COPG2: variants seen among roughly 807,000 people sequenced by gnomAD.
The protein encoded by COPG2 is coatomer subunit gamma-2.
In COPG2, 37 loss-of-function variants were observed where a neutral mutation model predicts 46.3. That is an observed-to-expected ratio of 0.80 (90% confidence interval 0.61 to 1.05). COPG2 has a LOEUF of 1.05. Among genes scored for constraint, COPG2 ranks in the 50% least tolerant of loss-of-function variants. COPG2 has a pLI of 0.00. For synonymous variants in COPG2, 159 were observed against 129.7 expected (o/e 1.23, Z -1.53); for missense variants, 427 against 387.8 (o/e 1.10, Z -0.85).
intron 5 of COPG2, among the ~76,000 whole-genome samples, chr7:130,620,220 A>G (rs371462607): frequency 1.3e-5 from 2 of 152,194 alleles, no homozygotes; most frequent in East Asian, 1.9e-4. Flanking sequence ...CAGCATTTCA[A>G]TGAGTGTCTG....
chr7:130,531,085 G>A (rs1799820360), intron 20 of COPG2, among the ~76,000 whole-genome samples: 1 of 86,472 alleles, frequency 1.2e-5, no homozygotes, highest in Admixed American at 1.3e-4. Flanking sequence ...TCGGGGTGGG[G>A]TTTGGGTCTG....
chr7:130,550,656 A>T lies in COPG2; in HGVS notation c.1649-7T>A. 2 of 397,116 alleles carry T rather than the reference A, an allele frequency of 5.0e-6. No individual in the cohort carries two copies. Among genetic ancestry groups the T allele is most frequent in the East Asian group, 7.2e-5 (2 of 27,972 alleles). 24.6% of individuals were successfully genotyped at this position (397,116 alleles called of 1,614,324 possible). On this transcript the variant is annotated splice_region_variant and splice_polypyrimidine_tract_variant and intron_variant, in intron 16 of 23. Transcript: ENST00000425248. Reference sequence around the variant, plus strand: ...GGTACAGAGACCGTCAAACCTGTGAAACATAGAGAAATCTCAGCATTATAA... The same window carrying T: ...GGTACAGAGACCGTCAAACCTGTGATACATAGAGAAATCTCAGCATTATAA...
intron 20 of COPG2, among the ~76,000 whole-genome samples, chr7:130,529,491 T>A (rs987739322): frequency 6.6e-6 from 1 of 152,064 alleles, no homozygotes; most frequent in Admixed American, 6.5e-5. Flanking sequence ...GGTCTCAACA[T>A]TGGTAAAGGG....
chr7:130,609,840 T>G (rs1794808114), intron 9 of COPG2, among the ~76,000 whole-genome samples: 1 of 152,202 alleles, frequency 6.6e-6, no homozygotes, highest in Non-Finnish European at 1.5e-5. Flanking sequence ...GGTTCAAGAT[T>G]TTTTTTCTAG....
intron 9 of COPG2, among the ~76,000 whole-genome samples, chr7:130,574,092 ACAAGTGCCCATCAACTAATGAAAAAAC>A (rs1198547755): frequency 8.5e-5 from 13 of 152,196 alleles, no homozygotes; most frequent in Non-Finnish European, 1.9e-4. Flanking sequence ...GGAAAGAAAA[ACAAGTGCCCATCAACTAATGAAAAAAC>A]CAAGTGCCCA....
intron 9 of COPG2, among the ~76,000 whole-genome samples, chr7:130,567,351 A>T (rs1309619331): frequency 2.0e-5 from 3 of 152,204 alleles, no homozygotes; most frequent in African/African-American, 7.2e-5. Flanking sequence ...GGTGTTCCCA[A>T]GGAAGAAGAT....
chr7:130,574,505 C>T (rs1273963729), intron 9 of COPG2, among the ~76,000 whole-genome samples: 2 of 152,156 alleles, frequency 1.3e-5, no homozygotes, highest in Non-Finnish European at 2.9e-5. Context: ...GAGAGTACTA[C>T]ATCCAAGCAA....
chr7:130,636,957 G>A (rs1327681499), intron 5 of COPG2, among the ~76,000 whole-genome samples: 1 of 152,074 alleles, frequency 6.6e-6, no homozygotes, highest in Non-Finnish European at 1.5e-5. Flanking sequence ...CTCTGTAAAG[G>A]ATTTTATTTC....
chr7:130,649,598 C>G (rs1795695731), intron 5 of COPG2, among the ~76,000 whole-genome samples: 1 of 152,170 alleles, frequency 6.6e-6, no homozygotes, highest in Non-Finnish European at 1.5e-5. Context: ...TTCCTCTGAG[C>G]CAGCACCTTT....
intron 5 of COPG2, among the ~76,000 whole-genome samples, chr7:130,623,964 A>G (rs1795078407): frequency 6.6e-6 from 1 of 151,204 alleles, no homozygotes; most frequent in Non-Finnish European, 1.5e-5. Flanking sequence ...GGTTTCTTAT[A>G]AACAATAAAC....
At chr7:130,551,139 C>G (rs1793530291) in intron 16 of COPG2, 102 bp downstream of exon 16, 1 of 394,368 alleles carries the variant, frequency 2.5e-6, no homozygotes, top group Non-Finnish European at 4.5e-6. Flanking sequence ...AAGACAAAAA[C>G]CAAGCATTTG....
chr7:130,582,608 G>T (rs1794175632), intron 9 of COPG2, among the ~76,000 whole-genome samples: 2 of 149,168 alleles, frequency 1.3e-5, no homozygotes, highest in South Asian at 2.1e-4. Flanking sequence ...TCTGACAAAG[G>T]GCTAATATCC....
chr7:130,657,325 T>A (rs1369544241), intron 4 of COPG2, among the ~76,000 whole-genome samples: 4 of 151,920 alleles, frequency 2.6e-5, no homozygotes, highest in Non-Finnish European at 5.9e-5. Context: ...AGGCAGTGGA[T>A]GGAGGAAGAG....
At chr7:130,540,119 G>A (rs1799922168) in intron 20 of COPG2, among the ~76,000 whole-genome samples, 1 of 152,060 alleles carries the variant, frequency 6.6e-6, no homozygotes, top group Non-Finnish European at 1.5e-5. Context: ...GGGAGCAGTG[G>A]GGTGTGAGTG....
intron 9 of COPG2, among the ~76,000 whole-genome samples, chr7:130,604,087 T>C (rs1794686055): frequency 6.6e-6 from 1 of 152,012 alleles, no homozygotes; most frequent in Non-Finnish European, 1.5e-5. Flanking sequence ...TTACATTGAG[T>C]AGGCTGGGGT....
At position 130,657,163 on chromosome 7, in the gene COPG2, A is replaced by G. The variant is rs1391480545; in HGVS notation, c.244-4215T>C. Among the ~76,000 whole-genome samples, 4 of 152,206 alleles carry G rather than the reference A, an allele frequency of 2.6e-5. No individual in the cohort carries two copies. The East Asian group carries it at 7.7e-4, about 29-fold the overall frequency. ...ATAGAGCTAAAGTAAGAACAGACAT[A>G]TAGGTCAATGAGACAAAATAATGTG... On this transcript the variant is annotated intron_variant, in intron 4 of 23. Transcript: ENST00000425248.
chr7:130,524,788 A>T (rs1265568227), intron 20 of COPG2, among the ~76,000 whole-genome samples: 1 of 152,174 alleles, frequency 6.6e-6, no homozygotes, highest in Non-Finnish European at 1.5e-5. Flanking sequence ...TTGGAAACAC[A>T]GGGGACCACG....
intron 9 of COPG2, chr7:130,604,704 T>C (rs201620096): frequency 1.9e-6 from 1 of 516,456 alleles, no homozygotes; most frequent in Non-Finnish European, 3.9e-6. Flanking sequence ...AGCAAAATAC[T>C]ATTTAAAAAA....
At chr7:130,507,969 T>C (rs1341658677) in intron 21 of COPG2, 146 bp from the exon 22 acceptor site, 2 of 616,482 alleles carry the variant, frequency 3.2e-6, no homozygotes, top group South Asian at 2.0e-5. Flanking sequence ...AAATCTAATG[T>C]TGTAGCCCTT....
Sources: allele counts gnomAD v4.1 joint callset (sites outside exome capture counted in the v4.1 genomes callset), GRCh38; gene constraint gnomAD v4.1.1; transcripts MANE v1.5; gene names NCBI Gene and HGNC (gene_info 2026-07-23, HGNC 2026-07-21).